The following YWHAE variants were observed in gnomAD, a reference collection of about 807,000 sequenced individuals.
YWHAE encodes 14-3-3 protein epsilon.
YWHAE carries 4 observed loss-of-function variants against 30.1 expected under a neutral mutation model. The observed-to-expected ratio is 0.13, with a 90% CI of 0.07 to 0.30. YWHAE has a LOEUF of 0.30. Among genes scored for constraint, YWHAE ranks in the 10% least tolerant of loss-of-function variants. The pLI, the probability that YWHAE is intolerant of heterozygous loss-of-function variation, is 1.00. For missense variants in YWHAE, 121 were observed against 315.9 expected, an observed-to-expected ratio of 0.38 and a Z score of 4.68; for synonymous variants, 118 against 111.8, an observed-to-expected ratio of 1.06 and a Z score of -0.35.
chr17:1,384,631 T>A (rs1382208745), intron 1 of YWHAE, among the ~76,000 whole-genome samples: 2 of 152,006 alleles, frequency 1.3e-5, no homozygotes, highest in Non-Finnish European at 2.9e-5. Flanking sequence ...ATTTTGAGGG[T>A]TTCACCAGGC....
At chr17:1,392,480 T>C (rs1032292760) in intron 1 of YWHAE, among the ~76,000 whole-genome samples, 1 of 152,178 alleles carries the variant, frequency 6.6e-6, no homozygotes, top group Non-Finnish European at 1.5e-5. Flanking sequence ...TGGATTCCAT[T>C]AGACAGCTAT....
chr17:1,388,838 T>C (rs912611177), intron 1 of YWHAE, among the ~76,000 whole-genome samples: 1 of 152,214 alleles, frequency 6.6e-6, no homozygotes, highest in East Asian at 1.9e-4. Context: ...ATAACTGTCA[T>C]ACAACAGTGA....
chr17:1,359,788 A>G (rs1289066117), intron 4 of YWHAE, among the ~76,000 whole-genome samples: 1 of 147,742 alleles, frequency 6.8e-6, no homozygotes, highest in South Asian at 2.2e-4. Flanking sequence ...CAACACTGTC[A>G]ATGTATTCGG....
At position 1,361,907 on chromosome 17, in the gene YWHAE, A is replaced by G. The variant is rs779406770; in HGVS notation, c.366T>C (p.Tyr122=). ...ANTGESKVFY[Y]KMKGDYHRYL... is the part of the protein sequence containing the mutation. ...CCTTCTAGTATAGAACCTACATTTT[A>G]TAATAGAAAACCTTGGACTCGCCAG... Residue 122 remains tyrosine (Y), a synonymous_variant, in exon 3 of 6, where the codon TAT becomes TAC. Transcript: ENST00000264335. 4 of 1,591,118 alleles carry G rather than the reference A, an allele frequency of 2.5e-6. No individual in the cohort carries two copies. In the South Asian group the frequency reaches 3.5e-5, roughly 14 times the overall value.
intron 1 of YWHAE, among the ~76,000 whole-genome samples, chr17:1,387,468 T>C (rs531363543): frequency 3.3e-5 from 5 of 152,228 alleles, no homozygotes; most frequent in Non-Finnish European, 7.3e-5. Flanking sequence ...CAAAAAATAC[T>C]TTAAAATTCT....
intron 1 of YWHAE, among the ~76,000 whole-genome samples, chr17:1,378,523 G>A (rs1009847182): frequency 5.9e-5 from 9 of 152,158 alleles, no homozygotes; most frequent in African/African-American, 1.9e-4. Context: ...TTTCTAAAAC[G>A]ATTATCACGC....
chr17:1,398,067 A>G (rs2073501117), intron 1 of YWHAE, among the ~76,000 whole-genome samples: 2 of 152,194 alleles, frequency 1.3e-5, no homozygotes, highest in Admixed American at 6.6e-5. Context: ...CAGTTTTTTA[A>G]AGGAGCTTTC....
chr17:1,345,306 AAC>A lies in YWHAE; in HGVS notation c.*139_*140del. The A allele has an allele frequency of 1.2e-6, 1 of 805,968 alleles. No individual in the cohort carries two copies. Among genetic ancestry groups the A allele is most frequent in the Non-Finnish European group, 2.0e-6 (1 of 511,090 alleles). 49.9% of individuals were successfully genotyped at this position (805,968 alleles called of 1,614,324 possible). ...AAACTGTTTAAAAAAAAAAAAAAAA[AAC>A]CAACAGGGCAGGAACCTAAATTCTG... On this transcript the variant is annotated 3_prime_UTR_variant, in exon 6 of 6. Coordinates refer to ENST00000264335, the MANE Select transcript of YWHAE (RefSeq NM_006761.5).
chr17:1,355,556 C>G (rs901893388), intron 4 of YWHAE, among the ~76,000 whole-genome samples: 1 of 152,064 alleles, frequency 6.6e-6, no homozygotes, highest in Admixed American at 6.6e-5. Flanking sequence ...AAAGGCAACA[C>G]AGACGCCATG....
intron 5 of YWHAE, among the ~76,000 whole-genome samples, chr17:1,351,777 G>T (rs2072638188): frequency 6.6e-6 from 1 of 151,836 alleles, no homozygotes; most frequent in African/African-American, 2.4e-5. Context: ...TGTTGTTTTT[G>T]TTTTTTGTTT....
chr17:1,349,394 T>C lies in YWHAE; in HGVS notation c.716-3895A>G, dbSNP rs182404559. On this transcript the variant is annotated intron_variant, in intron 5 of 5. Coordinates refer to ENST00000264335, the MANE Select transcript of YWHAE (RefSeq NM_006761.5). ...CTTCTCAAACTGATGAACAATTTCT[T>C]TGTACCCACAATTATTTGTGTATTC... Among the ~76,000 whole-genome samples the C allele has an allele frequency of 3.3e-5, 5 of 152,316 alleles. No individual in the cohort carries two copies. The East Asian group carries it at 9.6e-4, about 29-fold the overall frequency.
At chr17:1,353,454 AAG>A (rs1491417764) in intron 5 of YWHAE, among the ~76,000 whole-genome samples, 191 of 147,792 alleles carry the variant, frequency 1.3e-3, no homozygotes, top group Middle Eastern at 3.5e-3. Context: ...AAAAAAAGAA[AAG>A]AAAAGAAAAG....
At chr17:1,364,784 T>C in intron 2 of YWHAE, 75 bp downstream of exon 2, 2 of 1,530,752 alleles carry the variant, frequency 1.3e-6, no homozygotes, top group Non-Finnish European at 1.8e-6. Context: ...TCCTTTTCTC[T>C]CAAAATCTTA....
chr17:1,348,780 T>C (rs1478909293), intron 5 of YWHAE, among the ~76,000 whole-genome samples: 2 of 152,190 alleles, frequency 1.3e-5, no homozygotes, highest in Non-Finnish European at 2.9e-5. Context: ...TCCCAGCATT[T>C]TGGGAGGCCG....
At chr17:1,364,161 T>C (rs779375753) in intron 2 of YWHAE, among the ~76,000 whole-genome samples, 2 of 151,418 alleles carry the variant, frequency 1.3e-5, no homozygotes, top group African/African-American at 2.4e-5. Flanking sequence ...AATAACTTCA[T>C]TAAATAATCC....
intron 4 of YWHAE, among the ~76,000 whole-genome samples, chr17:1,359,915 C>T (rs540518223): frequency 7.9e-4 from 13 of 16,560 alleles, no homozygotes; most frequent in African/African-American, 2.5e-3. Context: ...GAGAGGGAGA[C>T]GGGGAGGGGG....
intron 1 of YWHAE, chr17:1,399,844 G>A (rs777234134): frequency 4.7e-6 from 3 of 640,030 alleles, no homozygotes; most frequent in African/African-American, 1.9e-5. Context: ...GTTGTTTGCA[G>A]TTAAGGACGG....
At chr17:1,352,168 ATGC>A (rs2072645746) in intron 5 of YWHAE, 1 of 152,230 alleles carries the variant, frequency 6.6e-6, no homozygotes, top group Admixed American at 6.6e-5. Flanking sequence ...GCTGCCTGAA[ATGC>A]TGCGCTGGGA....
intron 1 of YWHAE, among the ~76,000 whole-genome samples, chr17:1,395,893 CG>C (rs2073463973): frequency 6.6e-6 from 1 of 152,154 alleles, no homozygotes; most frequent in Non-Finnish European, 1.5e-5. Context: ...CCGAGGCGGG[CG>C]GATCACCTGA....
Sources: gnomAD v4.1 joint callset for allele counts (sites outside exome capture counted in the v4.1 genomes callset) on GRCh38, gnomAD v4.1.1 for gene constraint, MANE v1.5 for transcripts, NCBI Gene and HGNC (gene_info 2026-07-23, HGNC 2026-07-21) for gene names.